SNX13: variants seen among roughly 807,000 people sequenced by gnomAD.
SNX13 encodes the protein sorting nexin 13.
A neutral mutation model predicts 133.6 loss-of-function variants in SNX13; 45 were observed. The observed-to-expected ratio is 0.34, with a 90% confidence interval of 0.27 to 0.43. The LOEUF is 0.43. SNX13 is among the 20% of genes least tolerant of loss of function. The pLI, the probability that SNX13 is intolerant of heterozygous loss-of-function variation, is 1.00. For synonymous variants in SNX13, 414 were observed against 373.9 expected (o/e 1.11, Z -1.24); for missense variants, 1,032 against 1,145.1 (o/e 0.90, Z 1.43).
intron 13 of SNX13, among the ~76,000 whole-genome samples, chr7:17,839,366 T>C (rs1789589019): frequency 6.6e-6 from 1 of 151,772 alleles, no homozygotes; most frequent in Non-Finnish European, 1.5e-5. Flanking sequence ...TCTCCAACTA[T>C]AACCGTTGAA....
At position 17,799,031 on chromosome 7, in the gene SNX13, T is replaced by C. The variant is rs1428522048; in HGVS notation, c.2422A>G (p.Thr808Ala). The C allele has an allele frequency of 1.2e-6, 2 of 1,610,566 alleles. No homozygotes were observed. Among genetic ancestry groups the C allele is most frequent in the South Asian group, 1.1e-5 (1 of 90,852 alleles). The change falls in exon 23 of 26, where the codon ACA (threonine) becomes GCA (alanine). Residue 808 changes from threonine to alanine, a missense_variant. Physicochemically the swap from Thr to Ala is moderately conservative, Grantham distance 58 (BLOSUM62 0). Transcript: ENST00000428135. ...KNLLQQLIRA[T>A]YGDTINRKIV... ...TACCTATTAATAGTATCGCCATATGTAGCTCTAATAAGCTGTTGAAGTAGG... is the reference window on the plus strand; with the variant it reads ...TACCTATTAATAGTATCGCCATATGCAGCTCTAATAAGCTGTTGAAGTAGG...
chr7:17,827,412 A>G (rs1380503054), intron 16 of SNX13, among the ~76,000 whole-genome samples: 1 of 152,032 alleles, frequency 6.6e-6, no homozygotes, highest in Non-Finnish European at 1.5e-5. Context: ...ATGTAATATT[A>G]TTATTACTAA....
intron 20 of SNX13, among the ~76,000 whole-genome samples, chr7:17,810,495 A>G (rs1785882587): frequency 6.6e-6 from 1 of 152,190 alleles, no homozygotes; most frequent in African/African-American, 2.4e-5. Context: ...AAGAAAAAAA[A>G]AGCCCAGGAC....
intron 3 of SNX13, among the ~76,000 whole-genome samples, chr7:17,892,675 C>T (rs1240874076): frequency 6.6e-6 from 1 of 152,026 alleles, no homozygotes; most frequent in Non-Finnish European, 1.5e-5. Context: ...ACATCTCCTG[C>T]ACCTTAGCAT....
chr7:17,862,266 C>G (rs1792799343), intron 9 of SNX13, among the ~76,000 whole-genome samples: 1 of 152,034 alleles, frequency 6.6e-6, no homozygotes, highest in Admixed American at 6.6e-5. Flanking sequence ...ATAATTATAT[C>G]CTGATTATTT....
At chr7:17,812,430 T>TCAAACCA (rs962675358) in intron 20 of SNX13, among the ~76,000 whole-genome samples, 1 of 151,986 alleles carries the variant, frequency 6.6e-6, no homozygotes, top group Non-Finnish European at 1.5e-5. Context: ...GAAATGCATA[T>TCAAACCA]CAAACCACAA....
chr7:17,842,164 C>A (rs764983209), intron 12 of SNX13, among the ~76,000 whole-genome samples: 1 of 151,996 alleles, frequency 6.6e-6, no homozygotes, highest in Non-Finnish European at 1.5e-5. Context: ...TTCAAAGATA[C>A]CCACATGGAG....
At chr7:17,803,189 G>A (rs1239462112) in intron 21 of SNX13, among the ~76,000 whole-genome samples, 1 of 152,104 alleles carries the variant, frequency 6.6e-6, no homozygotes, top group Non-Finnish European at 1.5e-5. Context: ...TGTTTTAAAT[G>A]AATTTTAAAA....
intron 2 of SNX13, 137 bp downstream of exon 2, chr7:17,897,197 A>AT: frequency 4.6e-6 from 2 of 434,938 alleles, no homozygotes; most frequent in Non-Finnish European, 8.1e-6. Flanking sequence ...GGGTATCCTT[A>AT]TTTTTTTAAC....
intron 16 of SNX13, among the ~76,000 whole-genome samples, chr7:17,826,661 G>C (rs893782049): frequency 6.6e-6 from 1 of 151,994 alleles, no homozygotes; most frequent in Non-Finnish European, 1.5e-5. Context: ...ATTAAATGAG[G>C]TGAATCCATA....
intron 1 of SNX13, among the ~76,000 whole-genome samples, chr7:17,929,965 T>C (rs1478970745): frequency 6.6e-6 from 1 of 152,158 alleles, no homozygotes; most frequent in East Asian, 1.9e-4. Flanking sequence ...ACTCTTGACA[T>C]TTTAAAACTA....
chr7:17,818,665 G>C (rs906382320), intron 18 of SNX13, among the ~76,000 whole-genome samples: 1 of 151,834 alleles, frequency 6.6e-6, no homozygotes, highest in East Asian at 1.9e-4. Flanking sequence ...CAGCAAAAAA[G>C]AACTAAAATA....
intron 16 of SNX13, among the ~76,000 whole-genome samples, chr7:17,826,384 G>C (rs901442756): frequency 7.9e-5 from 12 of 151,832 alleles, no homozygotes; most frequent in African/African-American, 2.9e-4. Flanking sequence ...TTTCAATTAT[G>C]ATCCTTATAT....
At chr7:17,897,775 A>G (rs1797366888) in intron 1 of SNX13, 1 of 163,646 alleles carries the variant, frequency 6.1e-6, no homozygotes, top group African/African-American at 2.4e-5. Context: ...GTATGTACAA[A>G]AACATCTGTA....
chr7:17,878,375 C>G (rs1794961377), intron 5 of SNX13, among the ~76,000 whole-genome samples: 1 of 152,136 alleles, frequency 6.6e-6, no homozygotes, highest in Non-Finnish European at 1.5e-5. Flanking sequence ...ACAATTAACC[C>G]TAGCTTGAAA....
intron 20 of SNX13, among the ~76,000 whole-genome samples, chr7:17,805,971 G>A (rs974373305): frequency 6.6e-6 from 1 of 152,130 alleles, no homozygotes; most frequent in Non-Finnish European, 1.5e-5. Context: ...ATCATTGTAT[G>A]AAAACATTTC....
At chr7:17,835,551 A>T (rs1025542438) in intron 13 of SNX13, among the ~76,000 whole-genome samples, 3 of 152,034 alleles carry the variant, frequency 2.0e-5, no homozygotes, top group Non-Finnish European at 4.4e-5. Context: ...AAAAGAAAAA[A>T]TGCTGAAAAG....
At chr7:17,893,130 T>C (rs781351837) in intron 3 of SNX13, among the ~76,000 whole-genome samples, 14 of 152,228 alleles carry the variant, frequency 9.2e-5, no homozygotes, top group Non-Finnish European at 1.9e-4. Flanking sequence ...GTATTCCCAC[T>C]TTTTAAATCT....
chr7:17,871,068 C>A (rs1197594032), intron 8 of SNX13, among the ~76,000 whole-genome samples: 1 of 151,084 alleles, frequency 6.6e-6, no homozygotes, highest in Non-Finnish European at 1.5e-5. Context: ...TGCAGTGGCG[C>A]GATCTCAGCT....
Sources: gnomAD v4.1 joint callset for allele counts (sites outside exome capture counted in the v4.1 genomes callset) on GRCh38, gnomAD v4.1.1 for gene constraint, MANE v1.5 for transcripts, NCBI Gene and HGNC (gene_info 2026-07-23, HGNC 2026-07-21) for gene names.